Variants in RABGAP1L observed in about 807,000 individuals in gnomAD.
RABGAP1L encodes RAB GTPase activating protein 1 like.
A neutral mutation model predicts 137.7 loss-of-function variants in RABGAP1L; 63 were observed. The ratio of observed to expected loss-of-function variants is 0.46; its 90% CI spans 0.37 to 0.56. RABGAP1L has a LOEUF of 0.56. Ranked by LOEUF, RABGAP1L falls within the 20% of genes least tolerant of loss-of-function variation. The pLI is 0.00. For synonymous variants in RABGAP1L, 431 were observed against 433.7 expected (o/e 0.99, Z 0.08); for missense variants, 1,095 against 1,244.0 (o/e 0.88, Z 1.80).
rs145426094 is a variant in RABGAP1L, at chr1:174,280,981, A to G, written c.1323+2202A>G. 4.6e-3 allele frequency among the ~76,000 whole-genome samples: 700 copies of G among 151,966 alleles called. 26 individuals are homozygous for G. Among genetic ancestry groups the G allele is most frequent in the Admixed American group, 0.04 (616 of 15,274 alleles). On this transcript the variant is annotated intron_variant, in intron 10 of 25. Coordinates refer to ENST00000681986, the MANE Select transcript of RABGAP1L (RefSeq NM_001366446.1). ...CAAGAGTGAAGCCGCAGACCTTTGCAGTGAGTGTTACAGCTCTTAAAGGTG... is the reference window on the plus strand; with the variant it reads ...CAAGAGTGAAGCCGCAGACCTTTGCGGTGAGTGTTACAGCTCTTAAAGGTG...
At chr1:174,607,154 G>A (rs1670852485) in intron 13 of RABGAP1L, among the ~76,000 whole-genome samples, 1 of 151,994 alleles carries the variant, frequency 6.6e-6, no homozygotes, top group Admixed American at 6.6e-5. Flanking sequence ...GGTTTCACTG[G>A]GCATTTTATA....
At chr1:174,710,923 G>A (rs548372754) in intron 17 of RABGAP1L, among the ~76,000 whole-genome samples, 3 of 152,340 alleles carry the variant, frequency 2.0e-5, no homozygotes, top group South Asian at 2.1e-4. Context: ...AGCAGGGGGC[G>A]GTGCTCATCG....
At position 174,873,607 on chromosome 1, in the gene RABGAP1L, G is replaced by A. The variant is rs1233700382; in HGVS notation, c.2340+61647G>A. ...TGGCTCACTGCAACCCCTGCCTCCC[G>A]GGTTCAAGTGATTCTGCTTCAGCCT... On this transcript the variant is annotated intron_variant, in intron 19 of 25. Coordinates refer to ENST00000681986, the MANE Select transcript of RABGAP1L (RefSeq NM_001366446.1). Among the ~76,000 whole-genome samples the A allele has an allele frequency of 5.3e-5, 8 of 151,246 alleles. 1 individual carries two copies. Among genetic ancestry groups the A allele is most frequent in the Admixed American group, 4.6e-4 (7 of 15,146 alleles).
intron 13 of RABGAP1L, among the ~76,000 whole-genome samples, chr1:174,479,735 C>T (rs1028440495): frequency 3.3e-5 from 5 of 152,104 alleles, no homozygotes; most frequent in African/African-American, 1.2e-4. Context: ...TGTAATATAC[C>T]AATGGTGAAG....
At chr1:174,677,285 T>C (rs1196204692) in intron 14 of RABGAP1L, among the ~76,000 whole-genome samples, 1 of 152,170 alleles carries the variant, frequency 6.6e-6, no homozygotes, top group Non-Finnish European at 1.5e-5. Flanking sequence ...GAGGGAGACC[T>C]GTCTCAAAAC....
chr1:174,495,587 C>T (rs1014532192), intron 13 of RABGAP1L, among the ~76,000 whole-genome samples: 2 of 152,186 alleles, frequency 1.3e-5, no homozygotes, highest in African/African-American at 2.4e-5. Context: ...AACCCACCAG[C>T]ATTCTTTCTC....
At chr1:174,228,921 T>G (rs1670404316) in intron 3 of RABGAP1L, among the ~76,000 whole-genome samples, 1 of 152,020 alleles carries the variant, frequency 6.6e-6, no homozygotes, top group Non-Finnish European at 1.5e-5. Flanking sequence ...GGTAGGGGCA[T>G]GAAGGGAGAA....
intron 1 of RABGAP1L, among the ~76,000 whole-genome samples, chr1:174,190,809 C>T (rs888518974): frequency 1.3e-5 from 2 of 152,228 alleles, no homozygotes; most frequent in African/African-American, 4.8e-5. Flanking sequence ...TAAGCTTAAT[C>T]ATTTCTAGCT....
intron 11 of RABGAP1L, among the ~76,000 whole-genome samples, chr1:174,360,276 ATACT>A (rs1025983094): frequency 1.2e-4 from 19 of 152,278 alleles, no homozygotes; most frequent in Admixed American, 1.2e-3. Context: ...ATCATTATGC[ATACT>A]TATAAGAGAT....
At chr1:174,453,874 A>G (rs780784060) in intron 13 of RABGAP1L, among the ~76,000 whole-genome samples, 10 of 152,332 alleles carry the variant, frequency 6.6e-5, no homozygotes, top group South Asian at 2.1e-4. Context: ...ACATGATGTC[A>G]TTAAGGTTTT....
At chr1:174,568,466 C>G (rs1667731414) in intron 13 of RABGAP1L, among the ~76,000 whole-genome samples, 2 of 152,206 alleles carry the variant, frequency 1.3e-5, no homozygotes, top group African/African-American at 4.8e-5. Context: ...AAAAAACTTT[C>G]AAACAGTGAT....
intron 4 of RABGAP1L, among the ~76,000 whole-genome samples, chr1:174,232,326 A>C (rs1670733865): frequency 1.3e-5 from 2 of 151,500 alleles, no homozygotes; most frequent in South Asian, 4.2e-4. Context: ...TGGGCAAAAT[A>C]ATACAAAAAT....
rs1255667009 is a variant in RABGAP1L, at chr1:174,988,653, G to A, written c.2818G>A (p.Ala940Thr). 1.3e-6 allele frequency: 2 copies of A among 1,543,214 alleles called. No individual in the cohort carries two copies. Among genetic ancestry groups the A allele is most frequent in the South Asian group, 2.4e-5 (2 of 82,882 alleles). Reference sequence around the variant, plus strand: ...TTGGATACTTTAGGGTAAGATGATGGCATGCAAACACTGCAGTGACATTTT... The same window carrying A: ...TTGGATACTTTAGGGTAAGATGATGACATGCAAACACTGCAGTGACATTTT... ...ELEVVKGKMM[A>T]CKHCSDIFSK... The change falls in exon 25 of 26, where the codon GCA becomes ACA. Residue 940 changes from alanine (A) to threonine (T), a missense_variant. Ala to Thr is a moderately conservative substitution (Grantham distance 58). Coordinates refer to ENST00000681986, the MANE Select transcript of RABGAP1L (RefSeq NM_001366446.1).
intron 1 of RABGAP1L, among the ~76,000 whole-genome samples, chr1:174,184,465 A>C (rs1666644786): frequency 6.6e-6 from 1 of 152,266 alleles, no homozygotes; most frequent in South Asian, 2.1e-4. Context: ...GTAAGAAACC[A>C]TCAGACTATC....
chr1:174,774,038 A>G (rs1686326932), intron 18 of RABGAP1L, among the ~76,000 whole-genome samples: 1 of 152,250 alleles, frequency 6.6e-6, no homozygotes, highest in African/African-American at 2.4e-5. Context: ...GTGGGAATCA[A>G]TTGATCTTAT....
chr1:174,342,857 G>A (rs1682096032), intron 11 of RABGAP1L, among the ~76,000 whole-genome samples: 1 of 149,766 alleles, frequency 6.7e-6, no homozygotes, highest in South Asian at 2.2e-4. Context: ...TCCTTCCTCA[G>A]CCTCCTGAGT....
chr1:174,535,796 T>C (rs1664844386), intron 13 of RABGAP1L, among the ~76,000 whole-genome samples: 1 of 152,184 alleles, frequency 6.6e-6, no homozygotes, highest in Admixed American at 6.5e-5. Flanking sequence ...CAGAATTGCT[T>C]CTTAGTTTTT....
intron 11 of RABGAP1L, among the ~76,000 whole-genome samples, chr1:174,313,845 G>A (rs1679102207): frequency 1.3e-5 from 2 of 152,088 alleles, no homozygotes; most frequent in Non-Finnish European, 2.9e-5. Context: ...GCATCCCAGG[G>A]ATAAATCTCA....
chr1:174,713,996 A>G (rs1680797256), intron 17 of RABGAP1L, among the ~76,000 whole-genome samples: 1 of 152,150 alleles, frequency 6.6e-6, no homozygotes, highest in Non-Finnish European at 1.5e-5. Flanking sequence ...GTGGTTTCCC[A>G]CTAAATAAAA....
Sources: gnomAD v4.1 joint callset for allele counts (sites outside exome capture counted in the v4.1 genomes callset) on GRCh38, gnomAD v4.1.1 for gene constraint, MANE v1.5 for transcripts, NCBI Gene and HGNC (gene_info 2026-07-23, HGNC 2026-07-21) for gene names.